The following PLA2G4A variants were observed in gnomAD, a reference collection of about 807,000 sequenced individuals.
PLA2G4A encodes the protein cytosolic phospholipase A2.
A neutral mutation model predicts 81.9 loss-of-function variants in PLA2G4A; 40 were observed. The ratio of observed to expected loss-of-function variants is 0.49; its 90% CI spans 0.38 to 0.64. The LOEUF is 0.64. Ranked by LOEUF, PLA2G4A falls within the 30% of genes least tolerant of loss-of-function variation. The pLI is 0.00. For synonymous variants in PLA2G4A, 302 were observed against 296.9 expected (o/e 1.02, Z -0.18); for missense variants, 715 against 905.1 (o/e 0.79, Z 2.69).
At chr1:186,873,045 C>T (rs1653340030) in intron 3 of PLA2G4A, among the ~76,000 whole-genome samples, 1 of 151,342 alleles carries the variant, frequency 6.6e-6, no homozygotes, top group South Asian at 2.1e-4. Flanking sequence ...GAGTTGTTGT[C>T]GACCATTTAT....
At chr1:186,871,316 A>G (rs529284263) in intron 3 of PLA2G4A, among the ~76,000 whole-genome samples, 2 of 152,326 alleles carry the variant, frequency 1.3e-5, no homozygotes, top group African/African-American at 4.8e-5. Context: ...AAGTGGGAAT[A>G]CAAATAACAA....
intron 7 of PLA2G4A, among the ~76,000 whole-genome samples, chr1:186,913,904 G>T (rs989701540): frequency 6.6e-6 from 1 of 152,122 alleles, no homozygotes; most frequent in Non-Finnish European, 1.5e-5. Context: ...TGTTTTAGGT[G>T]GGGGTAGGGT....
At chr1:186,917,283 C>T (rs1571399021) in intron 7 of PLA2G4A, among the ~76,000 whole-genome samples, 2 of 152,144 alleles carry the variant, frequency 1.3e-5, no homozygotes, top group African/African-American at 2.4e-5. Context: ...TTTCCTAAAG[C>T]CTGTAGCTGT....
At chr1:186,943,618 G>A (rs1018609465) in intron 10 of PLA2G4A, among the ~76,000 whole-genome samples, 2 of 152,014 alleles carry the variant, frequency 1.3e-5, no homozygotes, top group African/African-American at 4.8e-5. Context: ...GATTTAAGTC[G>A]AATGTAGAAG....
chr1:186,900,583 A>C (rs1654500452), intron 5 of PLA2G4A, among the ~76,000 whole-genome samples: 1 of 152,190 alleles, frequency 6.6e-6, no homozygotes, highest in South Asian at 2.1e-4. Context: ...CCAGTCACTC[A>C]TGACTGAATA....
At chr1:186,907,712 C>CTT (rs1188123487) in intron 6 of PLA2G4A, among the ~76,000 whole-genome samples, 3 of 152,192 alleles carry the variant, frequency 2.0e-5, no homozygotes, top group African/African-American at 7.2e-5. Context: ...ATTTTCACAT[C>CTT]TGGTGATTTG....
intron 2 of PLA2G4A, among the ~76,000 whole-genome samples, chr1:186,864,893 C>T (rs1571345768): frequency 2.7e-5 from 4 of 150,468 alleles, no homozygotes; most frequent in Admixed American, 2.7e-4. Flanking sequence ...AGGAGTTTGA[C>T]ACTAGCCTGG....
chr1:186,834,530 G>A (rs1651710126), intron 1 of PLA2G4A, among the ~76,000 whole-genome samples: 2 of 151,966 alleles, frequency 1.3e-5, no homozygotes, highest in Admixed American at 1.3e-4. Flanking sequence ...AATTACTGGA[G>A]AAGGCCCAGG....
chr1:186,927,283 A>C (rs779906663), intron 7 of PLA2G4A, among the ~76,000 whole-genome samples: 2 of 152,198 alleles, frequency 1.3e-5, no homozygotes, highest in Non-Finnish European at 2.9e-5. Context: ...TCTCTAATTA[A>C]TATAATTTCT....
chr1:186,862,112 G>A (rs1652824791), intron 2 of PLA2G4A, among the ~76,000 whole-genome samples: 1 of 151,140 alleles, frequency 6.6e-6, no homozygotes, highest in Non-Finnish European at 1.5e-5. Flanking sequence ...AAAATCATAT[G>A]AAGTTGGTTT....
intron 3 of PLA2G4A, among the ~76,000 whole-genome samples, chr1:186,887,741 T>C (rs1653985679): frequency 1.3e-5 from 2 of 152,190 alleles, no homozygotes; most frequent in African/African-American, 2.4e-5. Context: ...ACTTTTTCTT[T>C]AATTCATTCC....
At chr1:186,860,961 A>T (rs893138895) in intron 2 of PLA2G4A, among the ~76,000 whole-genome samples, 79 of 152,092 alleles carry the variant, frequency 5.2e-4, no homozygotes, top group African/African-American at 1.7e-3. Flanking sequence ...TGATTAATGG[A>T]TGGGTTTATT....
intron 6 of PLA2G4A, 149 bp from the exon 7 acceptor site, chr1:186,911,099 T>C (rs1010516592): frequency 2.7e-6 from 2 of 734,740 alleles, no homozygotes; most frequent in Non-Finnish European, 5.0e-6. Context: ...CATTTTATCC[T>C]CTTATTTTAG....
intron 12 of PLA2G4A, among the ~76,000 whole-genome samples, chr1:186,948,783 C>G (rs569708667): frequency 2.0e-5 from 3 of 152,058 alleles, no homozygotes; most frequent in Non-Finnish European, 4.4e-5. Flanking sequence ...CTTATTGACT[C>G]GGACTGTGTG....
chr1:186,968,910 T>A (rs1015701827), intron 15 of PLA2G4A, among the ~76,000 whole-genome samples: 3 of 144,018 alleles, frequency 2.1e-5, no homozygotes, highest in Middle Eastern at 3.4e-3. Flanking sequence ...TAAAAAAAAA[T>A]TTATACAATA....
At chr1:186,969,178 A>C (rs968947126) in intron 15 of PLA2G4A, among the ~76,000 whole-genome samples, 1 of 151,488 alleles carries the variant, frequency 6.6e-6, no homozygotes, top group Non-Finnish European at 1.5e-5. Flanking sequence ...TTTATGTAGG[A>C]GCTTCTTCCA....
chr1:186,850,485 C>A (rs1004559025), intron 1 of PLA2G4A, among the ~76,000 whole-genome samples: 12 of 148,184 alleles, frequency 8.1e-5, no homozygotes, highest in African/African-American at 3.0e-4. Context: ...TTATTGCTAC[C>A]CCTAGATTGC....
At chr1:186,971,278 T>C (rs1657346345) in intron 15 of PLA2G4A, among the ~76,000 whole-genome samples, 1 of 151,950 alleles carries the variant, frequency 6.6e-6, no homozygotes, top group African/African-American at 2.4e-5. Flanking sequence ...AGTACCATAC[T>C]GCATTTTAAT....
At chr1:186,965,342 T>C in intron 14 of PLA2G4A, 67 bp from the exon 15 acceptor site, 8 of 1,231,258 alleles carry the variant, frequency 6.5e-6, no homozygotes, top group Non-Finnish European at 8.2e-6. Context: ...GAAACCAACA[T>C]TTTTAGATGA....
Sources: allele counts gnomAD v4.1 joint callset (sites outside exome capture counted in the v4.1 genomes callset), GRCh38; gene constraint gnomAD v4.1.1; transcripts MANE v1.5; gene names NCBI Gene and HGNC (gene_info 2026-07-23, HGNC 2026-07-21).